Variants in ESYT2 observed in about 807,000 individuals in gnomAD.
ESYT2 encodes extended synaptotagmin 2, also known as extended synaptotagmin-2.
ESYT2 carries 54 observed loss-of-function variants against 107.2 expected under a neutral mutation model. The ratio of observed to expected loss-of-function variants is 0.50; its 90% confidence interval spans 0.40 to 0.63. ESYT2 has a LOEUF of 0.63. Ranked by LOEUF, ESYT2 falls within the 30% of genes least tolerant of loss-of-function variation. The pLI is 0.00. For synonymous variants in ESYT2, 491 were observed against 434.1 expected, an observed-to-expected ratio of 1.13 and a Z score of -1.63; for missense variants, 1,020 against 1,094.5, an observed-to-expected ratio of 0.93 and a Z score of 0.96.
chr7:158,821,414 G>A (rs1204198151), intron 1 of ESYT2, among the ~76,000 whole-genome samples: 1 of 152,240 alleles, frequency 6.6e-6, no homozygotes, highest in East Asian at 1.9e-4. Context: ...TTGGCTGTGA[G>A]TTTTCTGGTA....
intron 4 of ESYT2, among the ~76,000 whole-genome samples, chr7:158,790,693 G>A (rs1017621001): frequency 1.6e-4 from 24 of 152,150 alleles, no homozygotes; most frequent in African/African-American, 5.8e-4. Flanking sequence ...TTGGGAGGCC[G>A]AGGCAGGCGG....
chr7:158,826,729 G>A (rs1045844110), intron 1 of ESYT2, among the ~76,000 whole-genome samples: 5 of 148,592 alleles, frequency 3.4e-5, no homozygotes, highest in Non-Finnish European at 7.4e-5. Flanking sequence ...GCTGAGGCAG[G>A]AGAATGGCTT....
rs113193496 is a variant in ESYT2, at chr7:158,775,013, G to T, written c.748-1617C>A. On this transcript the variant is annotated intron_variant, in intron 6 of 22. Transcript: ENST00000275418. The stretch of plus-strand genomic sequence containing the variant: ...AGATGCTATTTAACAAAGAAATAAA[G>T]AATTTTTCCTATACAGGCATGCCTC... Among the ~76,000 whole-genome samples the T allele has an allele frequency of 5.0e-3, 766 of 152,156 alleles. 5 individuals carry two copies. Among genetic ancestry groups the T allele is most frequent in the African/African-American group, 0.018 (736 of 41,460 alleles).
intron 20 of ESYT2, among the ~76,000 whole-genome samples, chr7:158,736,326 G>A (rs896414887): frequency 6.6e-6 from 1 of 152,234 alleles, no homozygotes; most frequent in Non-Finnish European, 1.5e-5. Context: ...AAGATGAAAC[G>A]TAAACTGAAT....
chr7:158,797,022 CA>C (rs199882617), intron 3 of ESYT2, among the ~76,000 whole-genome samples: 1 of 8,666 alleles, frequency 1.2e-4, no homozygotes, highest in African/African-American at 2.6e-4. Context: ...AAGGGCACTG[CA>C]GGCGAGAGGG....
intron 8 of ESYT2, among the ~76,000 whole-genome samples, chr7:158,765,141 C>T (rs894445528): frequency 6.6e-6 from 1 of 152,082 alleles, no homozygotes; most frequent in African/African-American, 2.4e-5. Context: ...GACACGAGGA[C>T]AGACAGCCCC....
At chr7:158,771,956 T>TA (rs201518946) in intron 7 of ESYT2, among the ~76,000 whole-genome samples, 3,795 of 151,846 alleles carry the variant, frequency 0.025, 152 homozygotes, top group African/African-American at 0.086. Context: ...CCATCTCTAC[T>TA]AAAAAAATAC....
intron 1 of ESYT2, among the ~76,000 whole-genome samples, chr7:158,820,500 A>G (rs1304963531): frequency 6.6e-6 from 1 of 152,162 alleles, no homozygotes; most frequent in African/African-American, 2.4e-5. Flanking sequence ...TAAAAAAATA[A>G]CAACAGCCAG....
intron 8 of ESYT2, among the ~76,000 whole-genome samples, chr7:158,766,327 C>T (rs191684310): frequency 5.9e-5 from 9 of 152,150 alleles, no homozygotes; most frequent in Non-Finnish European, 8.8e-5. Context: ...TTGACAGCAC[C>T]GGCTGTTAAG....
chr7:158,782,385 G>GT lies in ESYT2; in HGVS notation c.747+5618_747+5619insA, dbSNP rs111781867. On this transcript the variant is annotated intron_variant, in intron 6 of 22. Coordinates refer to ENST00000275418, the MANE Select transcript of ESYT2 (RefSeq NM_001367773.1). ...GTGAACGAGTGTGAGAACAAAGTGAGGTAAGAACGAGAACAAGTGAGTGAA... is the reference window on the plus strand; with the variant it reads ...GTGAACGAGTGTGAGAACAAAGTGAGTGTAAGAACGAGAACAAGTGAGTGAA... Among the ~76,000 whole-genome samples the GT allele has an allele frequency of 1.1e-3, 95 of 86,690 alleles. 21 individuals are homozygous for GT. The highest frequency in any genetic ancestry group is 0.015 in the Middle Eastern group (2 of 134). 56.9% of individuals were successfully genotyped at this position (86,690 alleles called of 152,430 possible).
At position 158,782,385 on chromosome 7, in the gene ESYT2, G is replaced by GGTAAGT. The variant is rs1554586900; in HGVS notation, c.747+5618_747+5619insACTTAC. ...GTGAACGAGTGTGAGAACAAAGTGA[G>GGTAAGT]GTAAGAACGAGAACAAGTGAGTGAA... On this transcript the variant is annotated intron_variant, in intron 6 of 22. Transcript: ENST00000275418. 2.3e-5 allele frequency among the ~76,000 whole-genome samples: 2 copies of GGTAAGT among 86,630 alleles called. 1 individual carries two copies. The highest frequency in any genetic ancestry group is 7.0e-5 in the African/African-American group (2 of 28,574). The allele number at this position is 86,630 out of a possible 152,430, so 56.8% of individuals were successfully genotyped here. A position where few individuals can be genotyped will look rare whatever the true frequency, so the allele number is the denominator to read the frequency against.
At chr7:158,798,837 A>T (rs1192352894) in intron 2 of ESYT2, among the ~76,000 whole-genome samples, 194 bp downstream of exon 2, 2 of 152,170 alleles carry the variant, frequency 1.3e-5, no homozygotes, top group Non-Finnish European at 2.9e-5. Context: ...TCTCAAGTCA[A>T]AGAGACAGTT....
At chr7:158,736,656 C>A (rs574481673) in intron 20 of ESYT2, among the ~76,000 whole-genome samples, 10 of 151,896 alleles carry the variant, frequency 6.6e-5, no homozygotes, top group Non-Finnish European at 5.9e-5. Context: ...ATATGTCATA[C>A]GGTAAGATGT....
chr7:158,754,096 C>A (rs1402326279), intron 13 of ESYT2, among the ~76,000 whole-genome samples: 5 of 152,206 alleles, frequency 3.3e-5, no homozygotes, highest in Non-Finnish European at 7.3e-5. Context: ...GCAAGTGCTT[C>A]AGGCAGGTGC....
At chr7:158,799,977 T>C (rs984716150) in intron 1 of ESYT2, among the ~76,000 whole-genome samples, 2 of 152,216 alleles carry the variant, frequency 1.3e-5, no homozygotes, top group African/African-American at 2.4e-5. Context: ...TTTATAAGCA[T>C]GTATAACTTA....
chr7:158,764,217 T>C (rs1483785622), intron 9 of ESYT2, among the ~76,000 whole-genome samples: 1 of 152,208 alleles, frequency 6.6e-6, no homozygotes, highest in Non-Finnish European at 1.5e-5. Flanking sequence ...CCTAGGCCTC[T>C]CTGGGTAAAC....
chr7:158,788,253 C>T, intron 5 of ESYT2, 92 bp downstream of exon 5: 1 of 1,332,150 alleles, frequency 7.5e-7, no homozygotes, highest in Non-Finnish European at 1.0e-6. Flanking sequence ...AAAAAAATTC[C>T]AAGCTAAAAA....
At chr7:158,785,253 T>C (rs1563018819) in intron 6 of ESYT2, among the ~76,000 whole-genome samples, 1 of 152,032 alleles carries the variant, frequency 6.6e-6, no homozygotes, top group Non-Finnish European at 1.5e-5. Flanking sequence ...TGAAACCCCG[T>C]CTCTACTAAA....
chr7:158,771,253 C>T (rs1230466183), intron 7 of ESYT2, among the ~76,000 whole-genome samples: 1 of 152,212 alleles, frequency 6.6e-6, no homozygotes, highest in Non-Finnish European at 1.5e-5. Flanking sequence ...TTCAATAATG[C>T]TGTTTTATTT....
Sources: gnomAD v4.1 joint callset for allele counts (sites outside exome capture counted in the v4.1 genomes callset) on GRCh38, gnomAD v4.1.1 for gene constraint, MANE v1.5 for transcripts, NCBI Gene and HGNC (gene_info 2026-07-23, HGNC 2026-07-21) for gene names.